The following ATRNL1 variants were observed in gnomAD, a reference collection of about 807,000 sequenced individuals.
ATRNL1 encodes the protein attractin like 1, also known as attractin-like protein 1.
A neutral mutation model predicts 182.7 loss-of-function variants in ATRNL1; 95 were observed. That is an observed-to-expected ratio of 0.52 (90% confidence interval 0.44 to 0.62). ATRNL1 has a LOEUF of 0.62. ATRNL1 is among the 20% of genes least tolerant of loss of function. The probability of loss-of-function intolerance (pLI) is 0.00; values close to 1 mark genes in which losing one functional copy is unlikely to be tolerated. For synonymous variants in ATRNL1, 576 were observed against 568.3 expected, an observed-to-expected ratio of 1.01 and a Z score of -0.19; for missense variants, 1,471 against 1,679.5, an observed-to-expected ratio of 0.88 and a Z score of 2.17.
intron 8 of ATRNL1, among the ~76,000 whole-genome samples, chr10:115,204,406 A>G (rs1848719764): frequency 6.6e-6 from 1 of 152,034 alleles, no homozygotes; most frequent in Admixed American, 6.6e-5. Context: ...TCACCACTGT[A>G]GTGTTGGATG....
rs137983371 is a variant in ATRNL1, at chr10:115,642,932, C to T, written c.3796-84316C>T. ...TTTTGCACCCTCAGGAAACATTTGG[C>T]AATGTCTGGGGACATTTTGCTTCTC... On this transcript the variant is annotated intron_variant, in intron 26 of 28. Transcript: ENST00000355044. Among the ~76,000 whole-genome samples the T allele has an allele frequency of 5.3e-5, 8 of 152,310 alleles. No homozygotes were observed. The East Asian group carries it at 1.5e-3, about 29-fold the overall frequency.
intron 19 of ATRNL1, among the ~76,000 whole-genome samples, chr10:115,389,171 T>G (rs1056502478): frequency 6.6e-6 from 1 of 152,106 alleles, no homozygotes; most frequent in Non-Finnish European, 1.5e-5. Flanking sequence ...GTTGTCTTTT[T>G]GTGCCTGGTT....
At chr10:115,906,740 A>G (rs1185408882) in intron 28 of ATRNL1, among the ~76,000 whole-genome samples, 1 of 152,184 alleles carries the variant, frequency 6.6e-6, no homozygotes, top group African/African-American at 2.4e-5. Context: ...TTCAGCACCT[A>G]GAGTACAGGA....
intron 26 of ATRNL1, among the ~76,000 whole-genome samples, chr10:115,710,859 C>A (rs537813682): frequency 1.3e-5 from 2 of 151,992 alleles, no homozygotes; most frequent in African/African-American, 4.8e-5. Context: ...AAGGGTAAAG[C>A]TATAAGTGAG....
intron 9 of ATRNL1, among the ~76,000 whole-genome samples, chr10:115,221,753 T>A (rs1312967280): frequency 1.3e-5 from 2 of 152,184 alleles, no homozygotes; most frequent in Non-Finnish European, 2.9e-5. Context: ...AAGGATTTAG[T>A]CTGGCCCCTG....
intron 28 of ATRNL1, among the ~76,000 whole-genome samples, chr10:115,900,292 C>T (rs983861772): frequency 2.0e-5 from 3 of 149,142 alleles, no homozygotes; most frequent in Non-Finnish European, 4.4e-5. Context: ...AAGGTAATAT[C>T]ATAAAACATT....
chr10:115,784,948 G>T (rs1336117931), intron 27 of ATRNL1, among the ~76,000 whole-genome samples: 2 of 152,150 alleles, frequency 1.3e-5, no homozygotes, highest in Non-Finnish European at 2.9e-5. Context: ...CCCAAATTAA[G>T]TTCTATTTCA....
intron 28 of ATRNL1, among the ~76,000 whole-genome samples, chr10:115,853,688 A>G (rs1044464989): frequency 1.3e-5 from 2 of 152,232 alleles, no homozygotes; most frequent in Admixed American, 1.3e-4. Context: ...AAACTTCATT[A>G]TAAAAATCTG....
chr10:115,430,082 AC>A (rs1386020135), intron 21 of ATRNL1, among the ~76,000 whole-genome samples: 2 of 152,150 alleles, frequency 1.3e-5, no homozygotes, highest in Non-Finnish European at 2.9e-5. Flanking sequence ...AAAAACAACA[AC>A]AAAAAAGTTT....
At chr10:115,259,706 C>T (rs1419195969) in intron 10 of ATRNL1, among the ~76,000 whole-genome samples, 2 of 152,186 alleles carry the variant, frequency 1.3e-5, no homozygotes, top group Admixed American at 1.3e-4. Flanking sequence ...GTCGATCACA[C>T]TGGGAGCTGC....
intron 8 of ATRNL1, among the ~76,000 whole-genome samples, chr10:115,191,852 C>T (rs1316968688): frequency 6.6e-6 from 1 of 151,974 alleles, no homozygotes; most frequent in Non-Finnish European, 1.5e-5. Context: ...CAGTCTTGGG[C>T]AGTTCTTTAT....
chr10:115,110,650 G>A (rs1844217085), intron 1 of ATRNL1, among the ~76,000 whole-genome samples: 1 of 152,062 alleles, frequency 6.6e-6, no homozygotes, highest in South Asian at 2.1e-4. Context: ...TATGTTTATG[G>A]TAATTTGTTA....
chr10:115,810,523 C>T (rs1244301623), intron 27 of ATRNL1, among the ~76,000 whole-genome samples: 2 of 151,858 alleles, frequency 1.3e-5, no homozygotes, highest in Admixed American at 6.6e-5. Context: ...GTAATTTTGA[C>T]AGTGTCTGTA....
intron 28 of ATRNL1, among the ~76,000 whole-genome samples, chr10:115,908,079 A>G (rs1036845993): frequency 2.0e-5 from 3 of 152,166 alleles, no homozygotes; most frequent in Non-Finnish European, 4.4e-5. Flanking sequence ...TCTACTTCCT[A>G]CAAGAAACAG....
intron 6 of ATRNL1, among the ~76,000 whole-genome samples, chr10:115,161,453 T>C (rs1554883252): frequency 6.6e-6 from 1 of 151,990 alleles, no homozygotes; most frequent in Non-Finnish European, 1.5e-5. Context: ...GGAAATTAAC[T>C]ATGTTTAAAG....
At chr10:115,509,151 G>A (rs1461075237) in intron 24 of ATRNL1, among the ~76,000 whole-genome samples, 1 of 151,964 alleles carries the variant, frequency 6.6e-6, no homozygotes, top group Non-Finnish European at 1.5e-5. Context: ...TCTATTTACA[G>A]CATGGTTTAC....
At chr10:115,654,329 C>T (rs1392487642) in intron 26 of ATRNL1, among the ~76,000 whole-genome samples, 12 of 151,980 alleles carry the variant, frequency 7.9e-5, no homozygotes, top group Admixed American at 5.2e-4. Flanking sequence ...AAGCGATTCT[C>T]CTGCCTCAGC....
intron 28 of ATRNL1, among the ~76,000 whole-genome samples, chr10:115,897,514 C>T (rs773206794): frequency 6.6e-6 from 1 of 152,110 alleles, no homozygotes; most frequent in Non-Finnish European, 1.5e-5. Flanking sequence ...TGCAGACATA[C>T]AAAGCTTAAA....
chr10:115,392,732 A>G (rs1303506862), intron 19 of ATRNL1, among the ~76,000 whole-genome samples: 1 of 152,124 alleles, frequency 6.6e-6, no homozygotes, highest in Non-Finnish European at 1.5e-5. Context: ...ACCTTTCTAG[A>G]TGCAATTCTC....
Sources: gnomAD v4.1 joint callset for allele counts (sites outside exome capture counted in the v4.1 genomes callset) on GRCh38, gnomAD v4.1.1 for gene constraint, MANE v1.5 for transcripts, NCBI Gene and HGNC (gene_info 2026-07-23, HGNC 2026-07-21) for gene names.